The following DNAAF4 variants were observed in gnomAD, a reference collection of about 807,000 sequenced individuals.
The protein encoded by DNAAF4 is dynein assembly factor 4, axonemal.
A neutral mutation model predicts 51.8 loss-of-function variants in DNAAF4; 43 were observed. The ratio of observed to expected loss-of-function variants is 0.83; its 90% CI spans 0.65 to 1.07. The LOEUF is 1.07. DNAAF4 is among the 50% of genes least tolerant of loss of function. The pLI, the probability that DNAAF4 is intolerant of heterozygous loss-of-function variation, is 0.00. For synonymous variants in DNAAF4, 194 were observed against 165.6 expected (o/e 1.17, Z -1.32); for missense variants, 581 against 493.0 (o/e 1.18, Z -1.69).
chr15:55,442,981 A>T, intron 6 of DNAAF4: 2 of 1,611,454 alleles, frequency 1.2e-6, no homozygotes, highest in Non-Finnish European at 1.7e-6. Flanking sequence ...ATTGTAGAAC[A>T]TCACGTATTC....
At chr15:55,448,010 C>T (rs887099110) in intron 6 of DNAAF4, among the ~76,000 whole-genome samples, 12 of 152,184 alleles carry the variant, frequency 7.9e-5, no homozygotes, top group African/African-American at 2.9e-4. Flanking sequence ...AGAATGCTTC[C>T]AGTTTTTGCC....
At position 55,450,269 on chromosome 15, in the gene DNAAF4, C is replaced by G. The variant is rs2057913122; in HGVS notation, c.736G>C (p.Val246Leu). The G allele has an allele frequency of 1.9e-6, 3 of 1,613,958 alleles. No individual in the cohort carries two copies. The highest frequency in any genetic ancestry group is 2.7e-5 in the African/African-American group (2 of 74,934). Residue 246 changes from valine (V) to leucine (L), a missense_variant, in exon 6 of 10, where the codon GTA becomes CTA. Val to Leu is a conservative substitution (Grantham distance 32). Transcript: ENST00000321149. ...GATTCACGAAGAGCTGTTGGGAATA[C>G]TCGAGGGGTAAAGTTGATTTTAATA... is the stretch of plus-strand genomic sequence containing the variant. ...GSIKINFTPR[V>L]FPTALRESQV...
At chr15:55,444,788 A>AT (rs2057769954) in intron 6 of DNAAF4, among the ~76,000 whole-genome samples, 1 of 151,736 alleles carries the variant, frequency 6.6e-6, no homozygotes, top group African/African-American at 2.4e-5. Flanking sequence ...ATTCCTACGT[A>AT]TTTTTTTCTC....
intron 6 of DNAAF4, among the ~76,000 whole-genome samples, chr15:55,440,569 G>A (rs961779308): frequency 2.7e-5 from 4 of 148,620 alleles, no homozygotes; most frequent in Admixed American, 2.0e-4. Context: ...TAGTAGAGAC[G>A]AGGTTTCACC....
intron 5 of DNAAF4, among the ~76,000 whole-genome samples, chr15:55,466,346 C>T (rs1429070837): frequency 6.6e-6 from 1 of 152,020 alleles, no homozygotes; most frequent in Admixed American, 6.6e-5. Flanking sequence ...ATGGCTTGAG[C>T]TGGGGAGGCA....
At chr15:55,488,694 G>A (rs2058526835) in intron 4 of DNAAF4, among the ~76,000 whole-genome samples, 1 of 152,164 alleles carries the variant, frequency 6.6e-6, no homozygotes, top group South Asian at 2.1e-4. Context: ...GGCTTTTGTA[G>A]GTTCTGTCCT....
Position 55,498,591 on chromosome 15 carries a change from GAGAAAA to G in DNAAF4, c.-255-13_-255-8del. 1.8e-5 allele frequency: 1 copy of G among 56,810 alleles called. No individual in the cohort carries two copies. The highest frequency in any genetic ancestry group is 3.0e-5 in the Non-Finnish European group (1 of 33,288). The allele number at this position is 56,810 out of a possible 1,614,324, so 3.5% of individuals were successfully genotyped here. On this transcript the variant is annotated splice_polypyrimidine_tract_variant and splice_region_variant and intron_variant, in intron 1 of 9. Coordinates refer to ENST00000321149, the MANE Select transcript of DNAAF4 (RefSeq NM_130810.4). ...AGAAGTAGACCCATACCCTCTGCTT[GAGAAAA>G]AAAAAAAAAAAAAAAAGCACTCTGT...
chr15:55,430,921 CTT>C, intron 9 of DNAAF4, 142 bp from the exon 10 acceptor site: 11 of 553,724 alleles, frequency 2.0e-5, no homozygotes, highest in South Asian at 5.4e-5. Context: ...AGATTCCCAT[CTT>C]TTTTTTTTGA....
chr15:55,461,390 C>T (rs982759730), intron 5 of DNAAF4, among the ~76,000 whole-genome samples: 2 of 152,076 alleles, frequency 1.3e-5, no homozygotes, highest in Non-Finnish European at 2.9e-5. Context: ...GCCACCACGC[C>T]CAGCCCATCT....
intron 4 of DNAAF4, among the ~76,000 whole-genome samples, chr15:55,490,261 T>A (rs1184225219): frequency 2.6e-5 from 4 of 151,848 alleles, no homozygotes; most frequent in Non-Finnish European, 5.9e-5. Flanking sequence ...GGACTAAGTG[T>A]TAGGGGAAAT....
intron 7 of DNAAF4, among the ~76,000 whole-genome samples, chr15:55,424,178 G>A (rs1216753322): frequency 1.3e-5 from 2 of 152,056 alleles, no homozygotes; most frequent in South Asian, 4.1e-4. Context: ...GTTATTGCAG[G>A]ACTGGGTTTA....
intron 4 of DNAAF4, among the ~76,000 whole-genome samples, chr15:55,481,670 C>A (rs920880311): frequency 6.6e-6 from 1 of 152,104 alleles, no homozygotes; most frequent in Non-Finnish European, 1.5e-5. Context: ...AGAAGACAGA[C>A]CATCAGTTCC....
rs527520842 is a variant in DNAAF4 at position 55,468,767 on chromosome 15, T to A, written c.406-1606A>T. On this transcript the variant is annotated intron_variant, in intron 4 of 9. Transcript: ENST00000321149. ...AAGTCTTAATTACCAAAAATGAGACTGTTCTTACAACAAAAAATAACAGGA... is the reference window on the plus strand; with the variant it reads ...AAGTCTTAATTACCAAAAATGAGACAGTTCTTACAACAAAAAATAACAGGA... Among the ~76,000 whole-genome samples the A allele has an allele frequency of 5.4e-4, 82 of 152,344 alleles. 1 individual carries two copies. Among genetic ancestry groups the A allele is most frequent in the African/African-American group, 1.8e-3 (76 of 41,598 alleles).
At chr15:55,433,651 CA>C (rs1205080195) in intron 8 of DNAAF4, among the ~76,000 whole-genome samples, 3 of 141,008 alleles carry the variant, frequency 2.1e-5, no homozygotes, top group African/African-American at 7.9e-5. Context: ...AAAATGGCCT[CA>C]AGCACTCACC....
At chr15:55,477,136 T>A (rs1369304849) in intron 4 of DNAAF4, among the ~76,000 whole-genome samples, 3 of 151,426 alleles carry the variant, frequency 2.0e-5, no homozygotes, top group Admixed American at 6.6e-5. Context: ...CACGCCACTG[T>A]ACTCCAGCCT....
At chr15:55,455,633 T>C (rs61019518) in intron 5 of DNAAF4, among the ~76,000 whole-genome samples, 7,683 of 152,032 alleles carry the variant, frequency 0.051, 675 homozygotes, top group African/African-American at 0.18. Flanking sequence ...GGTTTCGCCA[T>C]GTTGCCCAGG....
At chr15:55,433,453 C>T (rs1308214107) in intron 8 of DNAAF4, among the ~76,000 whole-genome samples, 2 of 151,708 alleles carry the variant, frequency 1.3e-5, no homozygotes, top group African/African-American at 4.8e-5. Context: ...GGTGAAACCC[C>T]GTCTCTACTA....
At chr15:55,498,134 G>T in intron 2 of DNAAF4, 73 bp downstream of exon 2, 1 of 1,603,460 alleles carries the variant, frequency 6.2e-7, no homozygotes, top group Non-Finnish European at 8.5e-7. Context: ...CCTGTTGCTC[G>T]TGCCCAGCTG....
chr15:55,418,717 A>G (rs2057360234), intron 7 of DNAAF4: 1 of 567,396 alleles, frequency 1.8e-6, no homozygotes, highest in South Asian at 3.0e-5. Context: ...TGATAACTAC[A>G]TGACAGTGAC....
Sources: gnomAD v4.1 joint callset for allele counts (sites outside exome capture counted in the v4.1 genomes callset) on GRCh38, gnomAD v4.1.1 for gene constraint, MANE v1.5 for transcripts, NCBI Gene and HGNC (gene_info 2026-07-23, HGNC 2026-07-21) for gene names.